The following RPTOR variants were observed in gnomAD, a reference collection of about 807,000 sequenced individuals.
RPTOR encodes regulatory-associated protein of mTOR.
RPTOR carries 21 observed loss-of-function variants against 169.9 expected under a neutral mutation model. The observed-to-expected ratio is 0.12, with a 90% CI of 0.09 to 0.18. RPTOR has a LOEUF of 0.18. Among genes scored for constraint, RPTOR ranks in the 10% least tolerant of loss-of-function variants. RPTOR has a pLI of 1.00. For missense variants in RPTOR, 1,133 were observed against 1,855.9 expected (o/e 0.61, Z 7.16); for synonymous variants, 732 against 753.2 (o/e 0.97, Z 0.46).
At chr17:80,822,664 A>T (rs1188733683) in intron 8 of RPTOR, among the ~76,000 whole-genome samples, 1 of 152,050 alleles carries the variant, frequency 6.6e-6, no homozygotes, top group African/African-American at 2.4e-5. Context: ...TGATTGGTTG[A>T]TTTGGGGTGT....
intron 4 of RPTOR, among the ~76,000 whole-genome samples, chr17:80,716,219 A>G (rs56373111): frequency 0.091 from 13,887 of 152,204 alleles, 715 homozygotes; most frequent in African/African-American, 0.14. Context: ...CCACATCCAC[A>G]CCAGCATCTA....
intron 7 of RPTOR, chr17:80,805,176 C>G (rs190996032): frequency 6.6e-6 from 1 of 152,404 alleles, no homozygotes; most frequent in Non-Finnish European, 1.5e-5. Context: ...GAGCTCAGGA[C>G]AGTCGGGGGA....
chr17:80,662,234 C>G (rs546549321), intron 3 of RPTOR, among the ~76,000 whole-genome samples: 3 of 152,314 alleles, frequency 2.0e-5, no homozygotes, highest in South Asian at 4.1e-4. Context: ...CCTTCTGCCT[C>G]CTATCACCAG....
chr17:80,608,578 C>T (rs941746064), intron 1 of RPTOR, among the ~76,000 whole-genome samples: 5 of 152,180 alleles, frequency 3.3e-5, no homozygotes, highest in African/African-American at 7.2e-5. Flanking sequence ...GGTTAACGGA[C>T]GTGACTGAGG....
intron 21 of RPTOR, among the ~76,000 whole-genome samples, chr17:80,919,709 G>A (rs971453779): frequency 3.9e-5 from 6 of 152,164 alleles, no homozygotes; most frequent in African/African-American, 1.4e-4. Flanking sequence ...GTGCGCACTG[G>A]CCCAAGAGAG....
At chr17:80,869,691 C>G (rs1412680725) in intron 13 of RPTOR, among the ~76,000 whole-genome samples, 1 of 152,158 alleles carries the variant, frequency 6.6e-6, no homozygotes. Context: ...GACTGTGTCG[C>G]TGTCACGTGT....
At chr17:80,645,465 A>T (rs1028389762) in intron 3 of RPTOR, among the ~76,000 whole-genome samples, 3 of 152,222 alleles carry the variant, frequency 2.0e-5, no homozygotes, top group African/African-American at 7.2e-5. Flanking sequence ...CTTCTTTTCC[A>T]AGAATTATTA....
chr17:80,580,329 T>G (rs924858028), intron 1 of RPTOR, among the ~76,000 whole-genome samples: 1 of 152,210 alleles, frequency 6.6e-6, no homozygotes, highest in African/African-American at 2.4e-5. Flanking sequence ...TTTAGGGGAA[T>G]TGGCACGTTT....
At chr17:80,809,375 T>G (rs2067250703) in intron 7 of RPTOR, among the ~76,000 whole-genome samples, 1 of 152,096 alleles carries the variant, frequency 6.6e-6, no homozygotes, top group African/African-American at 2.4e-5. Context: ...GTATTTTTAG[T>G]AGAGATGGGG....
At chr17:80,729,834 A>G (rs1174030769) in intron 4 of RPTOR, among the ~76,000 whole-genome samples, 1 of 152,220 alleles carries the variant, frequency 6.6e-6, no homozygotes, top group Non-Finnish European at 1.5e-5. Flanking sequence ...TGTGTGAGAC[A>G]GCTGTGGGTC....
chr17:80,652,749 C>A (rs2065650791), intron 3 of RPTOR, among the ~76,000 whole-genome samples: 1 of 152,184 alleles, frequency 6.6e-6, no homozygotes, highest in Non-Finnish European at 1.5e-5. Flanking sequence ...GGCCCCTGCC[C>A]ACTAGTGGGG....
chr17:80,595,144 T>C (rs2065135887), intron 1 of RPTOR, among the ~76,000 whole-genome samples: 1 of 152,056 alleles, frequency 6.6e-6, no homozygotes, highest in South Asian at 2.1e-4. Flanking sequence ...CCCTTTCACT[T>C]TCTTTTCTTC....
chr17:80,964,404 G>GC lies in RPTOR; in HGVS notation c.*75dup. The GC allele has an allele frequency of 4.7e-6, 7 of 1,477,812 alleles. No homozygotes were observed. The highest frequency in any genetic ancestry group is 6.5e-6 in the Non-Finnish European group (7 of 1,071,432). 91.5% of individuals were successfully genotyped at this position (1,477,812 alleles called of 1,614,324 possible). ...AAGCTGTCACTCGCCGGGGCACGGG[G>GC]CGTCGGCTGCTGCGGCCCCGCAGTG... On this transcript the variant is annotated 3_prime_UTR_variant, in exon 34 of 34. Transcript: ENST00000306801.
chr17:80,663,330 A>G (rs1014933689), intron 3 of RPTOR, among the ~76,000 whole-genome samples: 5 of 152,148 alleles, frequency 3.3e-5, no homozygotes, highest in Non-Finnish European at 5.9e-5. Context: ...ATTGCAGGTC[A>G]TTGGGTGGTT....
At chr17:80,737,467 G>A (rs1389112319) in intron 5 of RPTOR, among the ~76,000 whole-genome samples, 2 of 152,150 alleles carry the variant, frequency 1.3e-5, no homozygotes, top group African/African-American at 4.8e-5. Context: ...GAGGATCATT[G>A]CAGAACACCT....
At chr17:80,654,776 C>T (rs1026100135) in intron 3 of RPTOR, among the ~76,000 whole-genome samples, 1 of 152,086 alleles carries the variant, frequency 6.6e-6, no homozygotes, top group Admixed American at 6.5e-5. Context: ...AAGAAGAAGG[C>T]ACAGATAATC....
At chr17:80,570,402 C>T (rs781280589) in intron 1 of RPTOR, among the ~76,000 whole-genome samples, 2 of 152,068 alleles carry the variant, frequency 1.3e-5, no homozygotes, top group South Asian at 2.1e-4. Flanking sequence ...ATGAATGATG[C>T]GTGACGGGAT....
chr17:80,781,615 G>GT (rs1225844887), intron 6 of RPTOR, among the ~76,000 whole-genome samples: 2 of 152,246 alleles, frequency 1.3e-5, no homozygotes, highest in African/African-American at 2.4e-5. Flanking sequence ...ACGTTTGGCA[G>GT]TTTCTTCAAG....
intron 5 of RPTOR, among the ~76,000 whole-genome samples, chr17:80,749,603 G>A (rs2143313715): frequency 6.6e-6 from 1 of 152,248 alleles, no homozygotes; most frequent in East Asian, 1.9e-4. Context: ...GCTGCGGTGT[G>A]TGTTTGGAGG....
Sources: gnomAD v4.1 joint callset for allele counts (sites outside exome capture counted in the v4.1 genomes callset) on GRCh38, gnomAD v4.1.1 for gene constraint, MANE v1.5 for transcripts, NCBI Gene and HGNC (gene_info 2026-07-23, HGNC 2026-07-21) for gene names.